The following CPS1 variants were observed in gnomAD, a reference collection of about 807,000 sequenced individuals.
CPS1 encodes carbamoyl-phosphate synthase 1.
A neutral mutation model predicts 174.6 loss-of-function variants in CPS1; 109 were observed. That is an observed-to-expected ratio of 0.62 (90% CI 0.53 to 0.73). CPS1 has a LOEUF of 0.73. CPS1 is among the 30% of genes least tolerant of loss of function. The probability of loss-of-function intolerance (pLI) is 0.00; values close to 1 mark genes in which losing one functional copy is unlikely to be tolerated. For synonymous variants in CPS1, 637 were observed against 632.0 expected, an observed-to-expected ratio of 1.01 and a Z score of -0.12; for missense variants, 1,689 against 1,821.9, an observed-to-expected ratio of 0.93 and a Z score of 1.33.
Position 210,592,976 on chromosome 2 carries a change from C to A in CPS1, c.1164+20C>A. ...ACTGAGGTACGTCAAAAAGATGAGG[C>A]CTATTATGTATGCAAAAAAAAAATG... On this transcript the variant is annotated intron_variant, in intron 11 of 37. Transcript: ENST00000233072. 6.2e-7 allele frequency: 1 copy of A among 1,601,770 alleles called. No homozygotes were observed. Among genetic ancestry groups the A allele is most frequent in the South Asian group, 1.1e-5 (1 of 90,814 alleles).
intron 14 of CPS1, among the ~76,000 whole-genome samples, chr2:210,599,859 G>C (rs1304990196): frequency 1.3e-5 from 2 of 151,996 alleles, no homozygotes; most frequent in Non-Finnish European, 2.9e-5. Context: ...TTGCTATTGA[G>C]GTCTTGAGAA....
intron 32 of CPS1, among the ~76,000 whole-genome samples, chr2:210,660,942 T>A (rs1700899626): frequency 1.3e-5 from 2 of 152,178 alleles, no homozygotes; most frequent in Admixed American, 6.5e-5. Flanking sequence ...ATGGTGCTAG[T>A]TTAGCTGGTA....
chr2:210,482,382 C>T (rs1221524880), intron 1 of CPS1, among the ~76,000 whole-genome samples: 1 of 151,666 alleles, frequency 6.6e-6, no homozygotes. Context: ...TCTCGGCTCA[C>T]TCAGCTCACT....
chr2:210,564,522 C>T (rs1340850470), intron 1 of CPS1, among the ~76,000 whole-genome samples: 1 of 152,074 alleles, frequency 6.6e-6, no homozygotes, highest in Non-Finnish European at 1.5e-5. Flanking sequence ...ACTACAGGTG[C>T]CTGCCACCAC....
intron 3 of CPS1, among the ~76,000 whole-genome samples, 160 bp downstream of exon 3, chr2:210,576,650 T>G (rs1400003628): frequency 1.3e-5 from 2 of 152,190 alleles, no homozygotes; most frequent in Non-Finnish European, 2.9e-5. Context: ...GAATAATCTT[T>G]AACTTGACAG....
intron 1 of CPS1, among the ~76,000 whole-genome samples, chr2:210,569,600 G>C (rs1020869313): frequency 5.9e-5 from 9 of 152,044 alleles, no homozygotes; most frequent in African/African-American, 1.9e-4. Flanking sequence ...TAAACGAGAA[G>C]ACTGGAGACA....
At chr2:210,515,010 G>A (rs1695642096) in intron 1 of CPS1, among the ~76,000 whole-genome samples, 1 of 151,426 alleles carries the variant, frequency 6.6e-6, no homozygotes, top group Non-Finnish European at 1.5e-5. Flanking sequence ...ATTGATATGT[G>A]TATGTTGCAT....
chr2:210,550,865 T>C (rs1055442512), intron 1 of CPS1, among the ~76,000 whole-genome samples: 1 of 151,938 alleles, frequency 6.6e-6, no homozygotes, highest in African/African-American at 2.4e-5. Context: ...TGCTTAGGAC[T>C]CCTATGTGAC....
At chr2:210,577,885 A>G (rs1048705569) in intron 4 of CPS1, among the ~76,000 whole-genome samples, 1 of 152,118 alleles carries the variant, frequency 6.6e-6, no homozygotes, top group African/African-American at 2.4e-5. Context: ...GTGTTCTAGT[A>G]CCAGCTCTAC....
At chr2:210,532,496 T>A (rs1319031637) in intron 1 of CPS1, among the ~76,000 whole-genome samples, 2 of 152,170 alleles carry the variant, frequency 1.3e-5, no homozygotes, top group Non-Finnish European at 2.9e-5. Flanking sequence ...CTCTACTGTA[T>A]CCTCTTAGGA....
chr2:210,628,737 T>A (rs1258540446), intron 21 of CPS1, among the ~76,000 whole-genome samples: 1 of 151,800 alleles, frequency 6.6e-6, no homozygotes, highest in Non-Finnish European at 1.5e-5. Context: ...GAGGTGGAGG[T>A]TGCAGTGAGC....
At chr2:210,569,353 G>A (rs1697405555) in intron 1 of CPS1, among the ~76,000 whole-genome samples, 2 of 151,866 alleles carry the variant, frequency 1.3e-5, no homozygotes, top group Admixed American at 6.6e-5. Context: ...CCAAGAGGAA[G>A]GAATCTTTAA....
At chr2:210,477,823 A>G (rs1559726876) in intron 1 of CPS1, 1 of 1,589,838 alleles carries the variant, frequency 6.3e-7, no homozygotes, top group Non-Finnish European at 8.6e-7. Flanking sequence ...TGAAGGAGCA[A>G]CTCACAAGAG....
chr2:210,512,867 T>TATATATATAGAGATATATATATGGAG, intron 1 of CPS1, among the ~76,000 whole-genome samples: 1 of 44,670 alleles, frequency 2.2e-5, no homozygotes, highest in East Asian at 5.9e-4. Flanking sequence ...TATATAGATA[T>TATATATATAGAGATATATATATGGAG]ATATATATAG....
intron 1 of CPS1, among the ~76,000 whole-genome samples, chr2:210,499,865 A>G (rs1049683814): frequency 6.6e-6 from 1 of 152,104 alleles, no homozygotes; most frequent in African/African-American, 2.4e-5. Flanking sequence ...TGGGAGCTGG[A>G]GTATCTTTCA....
At chr2:210,639,544 G>A (rs1042587684) in intron 23 of CPS1, among the ~76,000 whole-genome samples, 6 of 149,032 alleles carry the variant, frequency 4.0e-5, no homozygotes, top group African/African-American at 1.2e-4. Context: ...CCCGGGAAGC[G>A]GAGCTTGCAG....
chr2:210,612,348 G>T, intron 20 of CPS1, 55 bp downstream of exon 20: 1 of 1,575,934 alleles, frequency 6.3e-7, no homozygotes, highest in Non-Finnish European at 8.7e-7. Flanking sequence ...AATGTAGTCA[G>T]TCTGGACATT....
At chr2:210,614,404 G>T (rs1699233409) in intron 20 of CPS1, among the ~76,000 whole-genome samples, 2 of 151,760 alleles carry the variant, frequency 1.3e-5, no homozygotes, top group Admixed American at 1.3e-4. Flanking sequence ...TAATCCTTTG[G>T]GTATATACCC....
At chr2:210,650,555 T>C (rs947519683) in intron 28 of CPS1, 117 bp downstream of exon 28, 15 of 817,018 alleles carry the variant, frequency 1.8e-5, no homozygotes, top group Non-Finnish European at 2.1e-5. Context: ...TTGTATGTTT[T>C]CTTTTCACAC....
Sources: gnomAD v4.1 joint callset for allele counts (sites outside exome capture counted in the v4.1 genomes callset) on GRCh38, gnomAD v4.1.1 for gene constraint, MANE v1.5 for transcripts, NCBI Gene and HGNC (gene_info 2026-07-23, HGNC 2026-07-21) for gene names.